PLCG2: variants seen among roughly 807,000 people sequenced by gnomAD.
PLCG2 encodes the protein phospholipase C gamma 2.
A neutral mutation model predicts 175.6 loss-of-function variants in PLCG2; 69 were observed. That is an observed-to-expected ratio of 0.39 (90% confidence interval 0.32 to 0.48). The LOEUF is 0.48. PLCG2 is among the 20% of genes least tolerant of loss of function. PLCG2 has a pLI of 0.91. For synonymous variants in PLCG2, 827 were observed against 624.0 expected (o/e 1.33, Z -4.85); for missense variants, 1,798 against 1,650.9 (o/e 1.09, Z -1.54).
chr16:81,776,352 G>T (rs565916505), upstream of PLCG2, among the ~76,000 whole-genome samples: 1 of 151,614 alleles, frequency 6.6e-6, no homozygotes, highest in East Asian at 1.9e-4. Flanking sequence ...CTCGTGATCC[G>T]CCCGCCTCAG....
chr16:81,906,360 G>A (rs1909371173), intron 15 of PLCG2: 3 of 152,022 alleles, frequency 2.0e-5, no homozygotes, highest in Non-Finnish European at 4.4e-5. Flanking sequence ...TCCATTTTGA[G>A]TATATTTTTA....
chr16:81,852,467 A>G (rs138907413), intron 2 of PLCG2, among the ~76,000 whole-genome samples: 32 of 141,500 alleles, frequency 2.3e-4, no homozygotes, highest in African/African-American at 7.5e-4. Context: ...GAAGAAAGGG[A>G]AAGAAGGGAC....
intron 2 of PLCG2, among the ~76,000 whole-genome samples, chr16:81,833,933 A>G (rs1905381753): frequency 6.6e-6 from 1 of 152,112 alleles, no homozygotes; most frequent in African/African-American, 2.4e-5. Context: ...GGCTTACCTG[A>G]CTTCAAAGGA....
At chr16:81,910,076 G>C (rs1408469413) in intron 17 of PLCG2, among the ~76,000 whole-genome samples, 2 of 152,084 alleles carry the variant, frequency 1.3e-5, no homozygotes, top group African/African-American at 2.4e-5. Context: ...CCTATACTAA[G>C]GCCCTGCATC....
chr16:81,825,795 C>G (rs1905021846), intron 2 of PLCG2, among the ~76,000 whole-genome samples: 1 of 152,214 alleles, frequency 6.6e-6, no homozygotes, highest in Non-Finnish European at 1.5e-5. Context: ...ATGCTGGAGA[C>G]TCTGCTTGTC....
chr16:81,916,641 A>C (rs1204636098), intron 19 of PLCG2, among the ~76,000 whole-genome samples: 1 of 151,746 alleles, frequency 6.6e-6, no homozygotes, highest in Non-Finnish European at 1.5e-5. Context: ...AGAATACAGG[A>C]CATATTTTTT....
intron 27 of PLCG2, 146 bp downstream of exon 27, chr16:81,936,524 T>C: frequency 1.5e-6 from 1 of 674,384 alleles, no homozygotes; most frequent in Non-Finnish European, 2.6e-6. Flanking sequence ...AGAGTAATGG[T>C]TAGTATGAGG....
At chr16:81,850,396 CTGTT>C (rs545617454) in intron 2 of PLCG2, among the ~76,000 whole-genome samples, 4 of 152,210 alleles carry the variant, frequency 2.6e-5, no homozygotes, top group South Asian at 4.2e-4. Context: ...AAGGATCTTT[CTGTT>C]TGTTTGTTTT....
At chr16:81,901,428 G>A (rs543077693) in intron 14 of PLCG2, among the ~76,000 whole-genome samples, 60 of 152,356 alleles carry the variant, frequency 3.9e-4, no homozygotes, top group South Asian at 1.0e-3. Context: ...GAGGGAGAAT[G>A]TTCTGTGAGT....
At chr16:81,783,012 C>A in intron 1 of PLCG2, 1 of 426,962 alleles carries the variant, frequency 2.3e-6, no homozygotes, top group Non-Finnish European at 4.6e-6. Context: ...CTGAGTTGAT[C>A]CACTGGGCTT....
intron 2 of PLCG2, among the ~76,000 whole-genome samples, chr16:81,835,790 C>T (rs1375695716): frequency 6.6e-6 from 1 of 152,134 alleles, no homozygotes; most frequent in Non-Finnish European, 1.5e-5. Context: ...CCGCTGGAGG[C>T]TCTAGGGGAG....
intron 2 of PLCG2, among the ~76,000 whole-genome samples, chr16:81,833,093 G>A (rs752529983): frequency 2.0e-5 from 3 of 152,212 alleles, no homozygotes; most frequent in Non-Finnish European, 4.4e-5. Flanking sequence ...CAGCCAAGGT[G>A]AGGGTGCTTT....
chr16:81,858,398 CT>C, intron 4 of PLCG2, 42 bp downstream of exon 4: 1 of 1,326,232 alleles, frequency 7.5e-7, no homozygotes, highest in Non-Finnish European at 1.1e-6. Flanking sequence ...TTGCTGATTC[CT>C]TTATTCTGCT....
intron 2 of PLCG2, among the ~76,000 whole-genome samples, chr16:81,853,849 C>G (rs192142608): frequency 1.3e-5 from 2 of 152,306 alleles, no homozygotes; most frequent in East Asian, 1.9e-4. Flanking sequence ...GTTTACCACT[C>G]TCTTCTCACA....
At chr16:81,802,991 A>G (rs951814072) in intron 2 of PLCG2, among the ~76,000 whole-genome samples, 6 of 152,004 alleles carry the variant, frequency 3.9e-5, no homozygotes, top group Non-Finnish European at 8.8e-5. Flanking sequence ...CCCAAATCCT[A>G]TACATTAGCA....
chr16:81,743,647 C>G (rs759036544), intron 1 of PLCG2, among the ~76,000 whole-genome samples: 1 of 152,166 alleles, frequency 6.6e-6, no homozygotes, highest in Non-Finnish European at 1.5e-5. Context: ...GATCCTCTCT[C>G]TTGTGGATGT....
rs74837559 is a variant in PLCG2 at position 81,758,071 on chromosome 16, G to A, written c.-48+2105G>A. 8.9e-4 allele frequency among the ~76,000 whole-genome samples: 136 copies of A among 152,254 alleles called. No homozygotes were observed. The Middle Eastern group carries it at 0.01, about 11-fold the overall frequency. On this transcript the variant is annotated intron_variant, in intron 2 of 5. Coordinates refer to the PLCG2 transcript ENST00000565054. ...GCTCTCTGCAGCTTCCACCTCACGG[G>A]CTCAAGCGATCCTCCCACCTCAGCC...
chr16:81,821,659 T>C (rs1904805477), intron 2 of PLCG2, among the ~76,000 whole-genome samples: 1 of 152,148 alleles, frequency 6.6e-6, no homozygotes, highest in Non-Finnish European at 1.5e-5. Flanking sequence ...CCTCAGGAAG[T>C]GGCCTCTGTA....
chr16:81,864,120 C>T (rs962478453), intron 5 of PLCG2, among the ~76,000 whole-genome samples: 6 of 152,080 alleles, frequency 3.9e-5, no homozygotes, highest in Non-Finnish European at 7.4e-5. Context: ...GAGCATGCAC[C>T]GGAATCCCCT....
Sources: gnomAD v4.1 joint callset for allele counts (sites outside exome capture counted in the v4.1 genomes callset) on GRCh38, gnomAD v4.1.1 for gene constraint, MANE v1.5 for transcripts, NCBI Gene and HGNC (gene_info 2026-07-23, HGNC 2026-07-21) for gene names.